Variants in COL22A1 observed in about 807,000 individuals in gnomAD.
COL22A1 encodes the protein collagen type XXII alpha 1 chain.
In COL22A1, 221 loss-of-function variants were observed where a neutral mutation model predicts 248.9. The observed-to-expected ratio is 0.89, with a 90% CI of 0.80 to 0.99. COL22A1 has a LOEUF of 0.99. COL22A1 is among the 50% of genes least tolerant of loss of function. The pLI is 0.00. For synonymous variants in COL22A1, 891 were observed against 793.4 expected, an observed-to-expected ratio of 1.12 and a Z score of -2.07; for missense variants, 2,240 against 2,179.0, an observed-to-expected ratio of 1.03 and a Z score of -0.56.
intron 16 of COL22A1, among the ~76,000 whole-genome samples, chr8:138,773,635 C>T (rs188161974): frequency 4.7e-4 from 72 of 152,368 alleles, no homozygotes; most frequent in Non-Finnish European, 9.6e-4. Flanking sequence ...CGTAAATATC[C>T]GCCATGTGTT....
intron 40 of COL22A1, among the ~76,000 whole-genome samples, chr8:138,677,854 G>A (rs539291137): frequency 2.0e-5 from 3 of 152,350 alleles, no homozygotes; most frequent in Admixed American, 1.3e-4. Flanking sequence ...AGGCCAAGAC[G>A]GCAGGTGATC....
chr8:138,784,377 T>C (rs1815316197), intron 12 of COL22A1, among the ~76,000 whole-genome samples: 1 of 152,200 alleles, frequency 6.6e-6, no homozygotes. Context: ...CTTTTGTGGG[T>C]TAAACTATCA....
rs1488912395 is a variant in COL22A1, at chr8:138,724,615, C to T, written c.2247G>A (p.Thr749=). Residue 749 remains threonine, a splice_region_variant and synonymous_variant, in exon 25 of 65, where the codon ACG becomes ACA. Transcript: ENST00000303045. ...FPGKPGPPGP[T]GPPGKDGPNG... ...CAGGAAGATGTTTCCGAACACTCAC[C>T]GTGGGCCCAGGAGGTCCAGGCTTTC... 11 of 1,613,928 alleles carry T rather than the reference C, an allele frequency of 6.8e-6. No homozygotes were observed. The highest frequency in any genetic ancestry group is 1.6e-4 in the Middle Eastern group (1 of 6,080).
chr8:138,712,909 A>C (rs901622793), intron 30 of COL22A1, among the ~76,000 whole-genome samples: 1 of 152,004 alleles, frequency 6.6e-6, no homozygotes, highest in Non-Finnish European at 1.5e-5. Flanking sequence ...CAGAGGGTAC[A>C]TGTTCTATCA....
At chr8:138,760,729 G>A (rs555883376) in intron 17 of COL22A1, among the ~76,000 whole-genome samples, 1 of 152,286 alleles carries the variant, frequency 6.6e-6, no homozygotes, top group African/African-American at 2.4e-5. Flanking sequence ...CTCTGGCCAG[G>A]ATTAGTTAGG....
chr8:138,648,688 T>C (rs1281627265), intron 46 of COL22A1, among the ~76,000 whole-genome samples: 1 of 152,176 alleles, frequency 6.6e-6, no homozygotes, highest in Admixed American at 6.5e-5. Context: ...TATCTCCCAA[T>C]GTCTAGGGAT....
chr8:138,706,931 G>T (rs1355658584), intron 30 of COL22A1, among the ~76,000 whole-genome samples: 1 of 152,016 alleles, frequency 6.6e-6, no homozygotes, highest in Admixed American at 6.6e-5. Context: ...TCAAATAGAT[G>T]CAATAAAAAA....
intron 30 of COL22A1, among the ~76,000 whole-genome samples, chr8:138,710,606 T>TATATATATATATATATAG (rs150247137): frequency 2.0e-5 from 3 of 147,774 alleles, no homozygotes; most frequent in African/African-American, 7.5e-5. Flanking sequence ...TATCTATCTA[T>TATATATATATATATATAG]CTATATATAT....
At position 138,685,258 on chromosome 8, in the gene COL22A1, C is replaced by G; in HGVS notation, c.2917G>C (p.Gly973Arg). The change falls in exon 38 of 65, where the codon GGT (glycine) becomes CGT (arginine). Residue 973 changes from glycine (G) to arginine (R), a missense_variant. Gly to Arg is a moderately radical substitution (Grantham distance 125). Transcript: ENST00000303045. ...GGTGGCCCAGGGAGCCCAGGAGCAC[C>G]AGGATCTCCCCTGGGACCAACTGGC... ...PGPVGPRGDP[G>R]APGLPGPPGK... 1 of 1,613,974 alleles carries G rather than the reference C, an allele frequency of 6.2e-7. No individual in the cohort carries two copies.
At chr8:138,814,763 C>A (rs952253840) in intron 7 of COL22A1, among the ~76,000 whole-genome samples, 2 of 152,116 alleles carry the variant, frequency 1.3e-5, no homozygotes, top group African/African-American at 4.8e-5. Flanking sequence ...TGAGACAGTA[C>A]ATGTTTGTTG....
At chr8:138,738,233 G>A (rs1454592230) in intron 22 of COL22A1, among the ~76,000 whole-genome samples, 1 of 152,156 alleles carries the variant, frequency 6.6e-6, no homozygotes, top group Non-Finnish European at 1.5e-5. Context: ...CTTCTGCTGT[G>A]GGAATCCACG....
intron 25 of COL22A1, 63 bp downstream of exon 25, chr8:138,724,552 T>C (rs1269233414): frequency 4.7e-6 from 7 of 1,503,126 alleles, no homozygotes; most frequent in Non-Finnish European, 6.4e-6. Flanking sequence ...AAGGGCTCAG[T>C]GCTCCCCCCA....
chr8:138,791,767 T>A (rs974644753), intron 12 of COL22A1, among the ~76,000 whole-genome samples: 1 of 152,186 alleles, frequency 6.6e-6, no homozygotes, highest in African/African-American at 2.4e-5. Context: ...ACCACATTCA[T>A]CCCTGTCAGG....
intron 27 of COL22A1, among the ~76,000 whole-genome samples, chr8:138,720,057 T>C (rs1255521805): frequency 6.6e-6 from 1 of 152,076 alleles, no homozygotes; most frequent in Non-Finnish European, 1.5e-5. Flanking sequence ...AGGGCAGCAG[T>C]CACTCCTGGA....
intron 1 of COL22A1, among the ~76,000 whole-genome samples, chr8:138,900,664 T>A (rs1263797524): frequency 6.6e-6 from 1 of 152,260 alleles, no homozygotes; most frequent in East Asian, 1.9e-4. Context: ...AATGGCCACT[T>A]TCATTCTAAA....
chr8:138,750,732 C>T (rs1563710244), intron 22 of COL22A1, among the ~76,000 whole-genome samples: 1 of 152,132 alleles, frequency 6.6e-6, no homozygotes, highest in Non-Finnish European at 1.5e-5. Flanking sequence ...ACCATGTGAA[C>T]TAGTAAAAGG....
At position 138,819,582 on chromosome 8, in the gene COL22A1, A is replaced by T. The variant is rs527359626; in HGVS notation, c.1245+1554T>A. Among the ~76,000 whole-genome samples, 572 of 148,536 alleles carry T rather than the reference A, an allele frequency of 3.9e-3. 1 individual carries two copies. The highest frequency in any genetic ancestry group is 6.7e-3 in the Non-Finnish European group (451 of 67,346). On this transcript the variant is annotated intron_variant, in intron 7 of 64. Transcript: ENST00000303045. ...ATAGATATAAATTATATGTATCTAT[A>T]TATAATGTTCACATGTTTATATATT...
At chr8:138,649,822 C>A (rs1182230014) in intron 45 of COL22A1, 44 bp from the exon 46 acceptor site, 7 of 1,246,960 alleles carry the variant, frequency 5.6e-6, no homozygotes, top group Non-Finnish European at 7.8e-6. Context: ...GAATAACTAG[C>A]AAATACAGTT....
At chr8:138,752,792 A>T (rs1832707646) in intron 21 of COL22A1, among the ~76,000 whole-genome samples, 2 of 152,226 alleles carry the variant, frequency 1.3e-5, no homozygotes, top group Non-Finnish European at 2.9e-5. Context: ...TTCCATTCTC[A>T]ACAGAAGTCA....
Sources: gnomAD v4.1 joint callset for allele counts (sites outside exome capture counted in the v4.1 genomes callset) on GRCh38, gnomAD v4.1.1 for gene constraint, MANE v1.5 for transcripts, NCBI Gene and HGNC (gene_info 2026-07-23, HGNC 2026-07-21) for gene names.